Variants in TRPS1 observed in about 807,000 individuals in gnomAD.
The protein encoded by TRPS1 is transcriptional repressor GATA binding 1.
A neutral mutation model predicts 101.2 loss-of-function variants in TRPS1; 6 were observed. The ratio of observed to expected loss-of-function variants is 0.06; its 90% CI spans 0.03 to 0.12. The LOEUF (loss-of-function observed/expected upper bound fraction) is 0.12, where lower values mean the gene tolerates loss of function less well. Among genes scored for constraint, TRPS1 ranks in the 10% least tolerant of loss-of-function variants. TRPS1 has a pLI of 1.00. For missense variants in TRPS1, 1,363 were observed against 1,567.0 expected, an observed-to-expected ratio of 0.87 and a Z score of 2.20; for synonymous variants, 578 against 589.8, an observed-to-expected ratio of 0.98 and a Z score of 0.29.
At chr8:115,496,074 A>C (rs1815141997) in intron 5 of TRPS1, among the ~76,000 whole-genome samples, 1 of 152,302 alleles carries the variant, frequency 6.6e-6, no homozygotes, top group Admixed American at 6.5e-5. Flanking sequence ...ACGTGTAGCT[A>C]CACTTAGTTG....
At position 115,648,730 on chromosome 8, in the gene TRPS1, C is replaced by T. The variant is rs543416078; in HGVS notation, c.-122+19815G>A. Reference sequence around the variant, plus strand: ...TCTCGCTACACTATCCACTAAAGCACACTGCGTCTTTAAAGCTCTTTCATA... The same window carrying T: ...TCTCGCTACACTATCCACTAAAGCATACTGCGTCTTTAAAGCTCTTTCATA... On this transcript the variant is annotated intron_variant, in intron 1 of 6. Coordinates refer to ENST00000395715, the MANE Select transcript of TRPS1 (RefSeq NM_014112.5). Among the ~76,000 whole-genome samples the T allele has an allele frequency of 4.6e-5, 7 of 152,270 alleles. No individual in the cohort carries two copies. In the East Asian group the frequency reaches 1.3e-3, roughly 29 times the overall value.
At chr8:115,551,571 C>A (rs755712516) in intron 5 of TRPS1, among the ~76,000 whole-genome samples, 3 of 152,034 alleles carry the variant, frequency 2.0e-5, no homozygotes, top group Admixed American at 6.5e-5. Flanking sequence ...ACATGTTTTA[C>A]GTGCAGAGTA....
chr8:115,616,679 C>T (rs959165383), intron 3 of TRPS1, among the ~76,000 whole-genome samples: 25 of 152,122 alleles, frequency 1.6e-4, no homozygotes, highest in African/African-American at 6.0e-4. Flanking sequence ...TATATAATTC[C>T]TAAAATTGAA....
intron 3 of TRPS1, among the ~76,000 whole-genome samples, chr8:115,608,041 T>G (rs556478401): frequency 6.6e-6 from 1 of 152,282 alleles, no homozygotes; most frequent in Non-Finnish European, 1.5e-5. Context: ...CAGCAATGGT[T>G]TATTGAAACT....
chr8:115,545,600 A>C (rs2130320381), intron 5 of TRPS1, among the ~76,000 whole-genome samples: 1 of 152,292 alleles, frequency 6.6e-6, no homozygotes, highest in Non-Finnish European at 1.5e-5. Flanking sequence ...GCCAAACTAA[A>C]AACAAATAAA....
At chr8:115,434,165 C>A (rs1048762635) in intron 5 of TRPS1, among the ~76,000 whole-genome samples, 1 of 152,112 alleles carries the variant, frequency 6.6e-6, no homozygotes, top group Non-Finnish European at 1.5e-5. Context: ...TAGGTGATTA[C>A]AAATGGTTTG....
At chr8:115,652,550 T>C (rs1201860477) in intron 1 of TRPS1, among the ~76,000 whole-genome samples, 1 of 152,216 alleles carries the variant, frequency 6.6e-6, no homozygotes, top group Non-Finnish European at 1.5e-5. Context: ...TTGTTTTGTT[T>C]TACCTTGTCT....
At position 115,619,252 on chromosome 8, in the gene TRPS1, G is replaced by A. The variant is rs369477249; in HGVS notation, c.846C>T (p.Asn282=). The part of the protein sequence containing the change: ...ELDSKILALH[N]MVQFSHSKDF... The stretch of plus-strand genomic sequence containing the variant: ...CTTTGGAATGGCTGAACTGCACCAT[G>A]TTATGAAGGGCCAAGATTTTGCTGT... Residue 282 remains asparagine (N), a synonymous_variant, in exon 3 of 7, where the codon AAC becomes AAT. Transcript: ENST00000395715. 6.2e-7 allele frequency: 1 copy of A among 1,613,882 alleles called. No homozygotes were observed. Among genetic ancestry groups the A allele is most frequent in the Non-Finnish European group, 8.5e-7 (1 of 1,179,876 alleles).
chr8:115,498,447 A>ATATATG (rs1815221482), intron 5 of TRPS1, among the ~76,000 whole-genome samples: 1 of 114,318 alleles, frequency 8.7e-6, no homozygotes, highest in Non-Finnish European at 1.8e-5. Flanking sequence ...ATATATATAT[A>ATATATG]TATAGTTGAT....
chr8:115,603,879 T>C lies in TRPS1; in HGVS notation c.2090A>G (p.His697Arg). The C allele has an allele frequency of 6.2e-7, 1 of 1,613,970 alleles. No individual in the cohort carries two copies. The highest frequency in any genetic ancestry group is 8.5e-7 in the Non-Finnish European group (1 of 1,179,912). The change falls in exon 4 of 7, where the codon CAC becomes CGC. Residue 697 changes from histidine (H) to arginine (R), a missense_variant. By Grantham distance (29) the His-to-Arg change is conservative. Around this residue, in one of 5 missense-constraint regions of TRPS1, gnomAD observed 1,020 missense variants for 1,073.0 expected, o/e 0.95. Transcript: ENST00000395715. ...ITQVEEEISR[H>R]YRRAHSCYKC... ...CCCACCCCCCATGCCTCACCTGTAG[T>C]GTCGGGAAATCTCTTCTTCCACTTG... is the stretch of plus-strand genomic sequence containing the variant.
intron 5 of TRPS1, among the ~76,000 whole-genome samples, chr8:115,461,008 T>A (rs1054642115): frequency 6.6e-6 from 1 of 152,162 alleles, no homozygotes; most frequent in Non-Finnish European, 1.5e-5. Context: ...CTAACAGTTT[T>A]GCCTGAGAGC....
intron 5 of TRPS1, among the ~76,000 whole-genome samples, chr8:115,472,127 T>C (rs1156656473): frequency 1.3e-5 from 2 of 152,224 alleles, no homozygotes; most frequent in East Asian, 1.9e-4. Context: ...CTACCGCACA[T>C]TTCCCTTCTG....
intron 3 of TRPS1, among the ~76,000 whole-genome samples, chr8:115,615,106 A>G (rs1452803309): frequency 6.6e-6 from 1 of 152,236 alleles, no homozygotes; most frequent in Non-Finnish European, 1.5e-5. Flanking sequence ...TAAGTTAATC[A>G]TGTGATTCTT....
chr8:115,464,314 C>A (rs1050923366), intron 5 of TRPS1, among the ~76,000 whole-genome samples: 2 of 152,144 alleles, frequency 1.3e-5, no homozygotes, highest in African/African-American at 4.8e-5. Flanking sequence ...TGATTTTATA[C>A]AATGGTAGGC....
chr8:115,626,399 A>C (rs964671586), intron 1 of TRPS1, among the ~76,000 whole-genome samples: 5 of 151,814 alleles, frequency 3.3e-5, no homozygotes, highest in Non-Finnish European at 7.4e-5. Flanking sequence ...TCACAAACTC[A>C]AGAATCACTG....
chr8:115,610,284 G>A (rs960138288), intron 3 of TRPS1, among the ~76,000 whole-genome samples: 6 of 151,800 alleles, frequency 4.0e-5, no homozygotes, highest in Non-Finnish European at 8.8e-5. Flanking sequence ...CTGATATTTC[G>A]AATAACTTGA....
At chr8:115,477,263 C>T (rs996339580) in intron 5 of TRPS1, among the ~76,000 whole-genome samples, 3 of 151,994 alleles carry the variant, frequency 2.0e-5, no homozygotes, top group Non-Finnish European at 4.4e-5. Context: ...ATGTCATAGA[C>T]AGAAAGTGAC....
chr8:115,520,967 G>T (rs1586359312), intron 5 of TRPS1, among the ~76,000 whole-genome samples: 1 of 151,438 alleles, frequency 6.6e-6, no homozygotes, highest in African/African-American at 2.4e-5. Flanking sequence ...ACTATTCTTC[G>T]ACAGTTTTGG....
intron 5 of TRPS1, among the ~76,000 whole-genome samples, chr8:115,451,019 G>A (rs1242067758): frequency 6.6e-6 from 1 of 152,094 alleles, no homozygotes; most frequent in South Asian, 2.1e-4. Flanking sequence ...AGTGAACAAG[G>A]ACTCCTAGCA....
Sources: gnomAD v4.1 joint callset for allele counts (sites outside exome capture counted in the v4.1 genomes callset) on GRCh38, gnomAD v4.1.1 for gene constraint, gnomAD v4.1.1 regional missense constraint, MANE v1.5 for transcripts, NCBI Gene and HGNC (gene_info 2026-07-23, HGNC 2026-07-21) for gene names.